CEP85L: variants seen among roughly 807,000 people sequenced by gnomAD.
The protein encoded by CEP85L is centrosomal protein of 85 kDa-like.
In CEP85L, 60 loss-of-function variants were observed where a neutral mutation model predicts 100.3. The ratio of observed to expected loss-of-function variants is 0.60; its 90% CI spans 0.49 to 0.74. The LOEUF (loss-of-function observed/expected upper bound fraction) is 0.74, where lower values mean the gene tolerates loss of function less well. Among genes scored for constraint, CEP85L ranks in the 30% least tolerant of loss-of-function variants. The pLI is 0.00. For missense variants in CEP85L, 973 were observed against 936.2 expected (o/e 1.04, Z -0.51); for synonymous variants, 319 against 322.7 (o/e 0.99, Z 0.12).
At chr6:118,649,264 AATAGT>A (rs1390302451) in intron 1 of CEP85L, among the ~76,000 whole-genome samples, 1 of 152,232 alleles carries the variant, frequency 6.6e-6, no homozygotes, top group African/African-American at 2.4e-5. Context: ...CTGACTTGTC[AATAGT>A]TTATTACTGA....
At chr6:118,650,310 A>C (rs575212659) in intron 1 of CEP85L, among the ~76,000 whole-genome samples, 63 of 152,336 alleles carry the variant, frequency 4.1e-4, no homozygotes, top group Non-Finnish European at 7.3e-4. Context: ...TGGAAAGACC[A>C]TCATCTTTAG....
At chr6:118,587,464 A>G (rs898348211) in intron 2 of CEP85L, among the ~76,000 whole-genome samples, 1 of 152,222 alleles carries the variant, frequency 6.6e-6, no homozygotes, top group Admixed American at 6.5e-5. Flanking sequence ...AGAGTGCAAC[A>G]AGGGTGATAT....
At chr6:118,632,091 G>A (rs1446296190) in intron 2 of CEP85L, among the ~76,000 whole-genome samples, 6 of 152,132 alleles carry the variant, frequency 3.9e-5, no homozygotes, top group South Asian at 2.1e-4. Context: ...CTGGGTTCAC[G>A]CCATTCTCGT....
rs534537692 is a variant in CEP85L, at chr6:118,578,513, C to T, written c.233-12197G>A. Among the ~76,000 whole-genome samples the T allele has an allele frequency of 1.3e-3, 191 of 152,200 alleles. 2 individuals are homozygous for T. The highest frequency in any genetic ancestry group is 4.4e-3 in the African/African-American group (182 of 41,534). On this transcript the variant is annotated intron_variant, in intron 2 of 12. Coordinates refer to ENST00000368491, the MANE Select transcript of CEP85L (RefSeq NM_001042475.3). ...TTGGGAGGCTGAGGCGGGCGGATCA[C>T]GAGGTCAGGAGATTGAGACCATCCC...
At position 118,565,963 on chromosome 6, in the gene CEP85L, G is replaced by A. The variant is rs1334681288; in HGVS notation, c.586C>T (p.Leu196=). ...IGKAKALTSQ[L]RTIGPSCLHD... is the part of the protein sequence containing the mutation. Reference sequence around the variant, plus strand: ...AAACAGCTAGGCCCAATTGTCCTCAGTTGTGATGTTAAAGCCTTAGCCTTC... The same window carrying A: ...AAACAGCTAGGCCCAATTGTCCTCAATTGTGATGTTAAAGCCTTAGCCTTC... The change falls in exon 3 of 13, where the codon CTG becomes TTG. Residue 196 remains leucine, a synonymous_variant. Transcript: ENST00000368491. 6.2e-7 allele frequency: 1 copy of A among 1,614,164 alleles called. No individual in the cohort carries two copies. The highest frequency in any genetic ancestry group is 1.6e-4 in the Middle Eastern group (1 of 6,062).
At chr6:118,646,487 G>A (rs1193366243) in intron 1 of CEP85L, among the ~76,000 whole-genome samples, 5 of 151,668 alleles carry the variant, frequency 3.3e-5, no homozygotes, top group African/African-American at 1.2e-4. Context: ...TGGTCAACAT[G>A]GTGAAACCCC....
chr6:118,698,598 G>T (rs1777291390), intron 1 of CEP85L, among the ~76,000 whole-genome samples: 1 of 151,080 alleles, frequency 6.6e-6, no homozygotes, highest in Admixed American at 6.6e-5. Context: ...AGTATGTCTT[G>T]ATTCACTGTG....
chr6:118,660,419 G>T (rs1775933541), intron 1 of CEP85L, among the ~76,000 whole-genome samples: 1 of 152,204 alleles, frequency 6.6e-6, no homozygotes. Flanking sequence ...GTCAGGAGCT[G>T]GGGGAGTTGG....
rs544895833 is a variant in CEP85L, at chr6:118,624,372, T to C, written c.232+8081A>G. On this transcript the variant is annotated intron_variant, in intron 2 of 12. Coordinates refer to ENST00000368491, the MANE Select transcript of CEP85L (RefSeq NM_001042475.3). The stretch of plus-strand genomic sequence containing the variant: ...GACCACATCAACCTTTTTTCTATCG[T>C]CCTTCCTTTTAACAATTTACTCCTT... Among the ~76,000 whole-genome samples, 15 of 152,144 alleles carry C rather than the reference T, an allele frequency of 9.9e-5. No homozygotes were observed. The South Asian group carries it at 2.7e-3, about 27-fold the overall frequency.
chr6:118,689,839 T>G (rs1389295475), intron 1 of CEP85L, among the ~76,000 whole-genome samples: 1 of 152,148 alleles, frequency 6.6e-6, no homozygotes, highest in African/African-American at 2.4e-5. Context: ...AAGAGGACAT[T>G]ATCTTCCCCC....
At chr6:118,466,595 G>A (rs969627450) in intron 12 of CEP85L, among the ~76,000 whole-genome samples, 6 of 152,144 alleles carry the variant, frequency 3.9e-5, no homozygotes, top group Non-Finnish European at 7.4e-5. Context: ...GAGTCAGAAA[G>A]CAAAACAGTA....
chr6:118,678,115 A>G (rs1224220463), intron 1 of CEP85L, among the ~76,000 whole-genome samples: 1 of 152,218 alleles, frequency 6.6e-6, no homozygotes, highest in East Asian at 1.9e-4. Context: ...TTTATTAGGG[A>G]GTTCCCAATG....
At chr6:118,482,337 A>T (rs146631227) in intron 7 of CEP85L, among the ~76,000 whole-genome samples, 76 of 152,302 alleles carry the variant, frequency 5.0e-4, no homozygotes, top group African/African-American at 1.8e-3. Context: ...TTGAAACTCT[A>T]TATCAATTAA....
At chr6:118,688,182 A>G (rs1289634387) in intron 1 of CEP85L, among the ~76,000 whole-genome samples, 1 of 152,122 alleles carries the variant, frequency 6.6e-6, no homozygotes, top group Non-Finnish European at 1.5e-5. Flanking sequence ...TTGTATTTTT[A>G]GTAGAGACAG....
intron 2 of CEP85L, among the ~76,000 whole-genome samples, chr6:118,597,403 T>TA (rs1010853503): frequency 1.3e-5 from 2 of 152,120 alleles, no homozygotes; most frequent in African/African-American, 2.4e-5. Flanking sequence ...CATACATTAA[T>TA]AAAAAATTGT....
chr6:118,626,520 T>G (rs555491804), intron 2 of CEP85L, among the ~76,000 whole-genome samples: 6 of 152,210 alleles, frequency 3.9e-5, no homozygotes, highest in Non-Finnish European at 8.8e-5. Context: ...TCTCAAAATC[T>G]AAGGCATGTC....
At chr6:118,619,016 C>T (rs1302914933) in intron 2 of CEP85L, among the ~76,000 whole-genome samples, 2 of 151,638 alleles carry the variant, frequency 1.3e-5, no homozygotes, top group Non-Finnish European at 2.9e-5. Flanking sequence ...TGCCGGTAAG[C>T]GTGGTTAAAT....
chr6:118,560,314 T>A (rs1779149134), intron 3 of CEP85L: 1 of 167,058 alleles, frequency 6.0e-6, no homozygotes, highest in Admixed American at 6.5e-5. Context: ...GCGTGTTATA[T>A]GTATTATACA....
chr6:118,536,914 A>G (rs1188214158), intron 3 of CEP85L, among the ~76,000 whole-genome samples: 1 of 152,186 alleles, frequency 6.6e-6, no homozygotes, highest in East Asian at 1.9e-4. Flanking sequence ...TTTCCCAAGT[A>G]GTTAGAAAAC....
Sources: gnomAD v4.1 joint callset for allele counts (sites outside exome capture counted in the v4.1 genomes callset) on GRCh38, gnomAD v4.1.1 for gene constraint, MANE v1.5 for transcripts, NCBI Gene and HGNC (gene_info 2026-07-23, HGNC 2026-07-21) for gene names.